Variants in ANKRD44 observed in about 807,000 individuals in gnomAD.
ANKRD44 encodes the protein serine/threonine-protein phosphatase 6 regulatory ankyrin repeat subunit B.
In ANKRD44, 35 loss-of-function variants were observed where a neutral mutation model predicts 116.0. The observed-to-expected ratio is 0.30, with a 90% CI of 0.23 to 0.40. The LOEUF (loss-of-function observed/expected upper bound fraction) is 0.40. Ranked by LOEUF, ANKRD44 falls within the 10% of genes least tolerant of loss-of-function variation. ANKRD44 has a pLI of 1.00. For missense variants in ANKRD44, 1,014 were observed against 1,242.6 expected (o/e 0.82, Z 2.77); for synonymous variants, 435 against 461.8 (o/e 0.94, Z 0.74).
chr2:197,040,297 T>C (rs373121495), intron 16 of ANKRD44, among the ~76,000 whole-genome samples: 6 of 151,704 alleles, frequency 4.0e-5, no homozygotes, highest in African/African-American at 7.2e-5. Flanking sequence ...TTAATTTTTT[T>C]AGTATAATGT....
At chr2:197,048,479 G>A (rs1420496429) in intron 16 of ANKRD44, among the ~76,000 whole-genome samples, 3 of 152,094 alleles carry the variant, frequency 2.0e-5, no homozygotes, top group Admixed American at 6.5e-5. Flanking sequence ...TGAGAATGAC[G>A]GTTTCCAGCT....
rs71012942 is a variant in ANKRD44, at chr2:196,979,554, C to CTTTTT, written c.2369-12113_2369-12109dup. Among the ~76,000 whole-genome samples the CTTTTT allele has an allele frequency of 1.3e-3, 79 of 59,644 alleles. 1 individual carries two copies. Among genetic ancestry groups the CTTTTT allele is most frequent in the East Asian group, 0.01 (16 of 1,536 alleles). 39.1% of individuals were successfully genotyped at this position (59,644 alleles called of 152,430 possible). A position where few individuals can be genotyped will look rare whatever the true frequency, so the allele number is the denominator to read the frequency against. On this transcript the variant is annotated intron_variant, in intron 21 of 21. Transcript: ENST00000424317. ...CAGCCTGAGTAATTTAATAAGATGA[C>CTTTTT]TTTTTTTTTTTTTTTTTTTTTTTTT...
intron 8 of ANKRD44, among the ~76,000 whole-genome samples, chr2:197,112,653 A>T (rs1313642798): frequency 1.3e-5 from 2 of 150,486 alleles, no homozygotes; most frequent in Non-Finnish European, 3.0e-5. Flanking sequence ...GTTTGCAGTG[A>T]GCCGAAATCG....
At chr2:197,265,267 G>C (rs1390512438) in intron 1 of ANKRD44, among the ~76,000 whole-genome samples, 2 of 149,460 alleles carry the variant, frequency 1.3e-5, no homozygotes, top group Non-Finnish European at 3.0e-5. Flanking sequence ...GGGGTGGGGA[G>C]ACAGAGTCTT....
intron 1 of ANKRD44, chr2:197,263,200 G>A: frequency 2.0e-6 from 1 of 492,454 alleles, no homozygotes; most frequent in Non-Finnish European, 3.8e-6. Flanking sequence ...CAGTGGTGCT[G>A]AAATGACCAG....
Position 197,003,293 on chromosome 2 carries a change from G to A in ANKRD44, c.2348-1453C>T, listed in dbSNP as rs542219612. Among the ~76,000 whole-genome samples, 3 of 152,014 alleles carry A rather than the reference G, an allele frequency of 2.0e-5. No individual in the cohort carries two copies. In the South Asian group the frequency reaches 6.2e-4, roughly 32 times the overall value. ...GCCACAAGCCTGGGTGACAGAGTAA[G>A]ACTCCATACACCCCTAGAAAAAAAA... On this transcript the variant is annotated intron_variant, in intron 21 of 27. Transcript: ENST00000282272.
chr2:197,177,916 C>A (rs748646789), intron 2 of ANKRD44, among the ~76,000 whole-genome samples: 16 of 152,308 alleles, frequency 1.1e-4, no homozygotes, highest in Admixed American at 2.6e-4. Context: ...GATACAACCT[C>A]ATGTGGATGT....
At chr2:197,088,466 A>G (rs1004639445) in intron 12 of ANKRD44, among the ~76,000 whole-genome samples, 1 of 150,182 alleles carries the variant, frequency 6.7e-6, no homozygotes, top group Non-Finnish European at 1.5e-5. Flanking sequence ...TCTATAATTT[A>G]AAAAAAGAAA....
intron 1 of ANKRD44, among the ~76,000 whole-genome samples, chr2:197,286,889 A>C (rs2083422692): frequency 6.6e-6 from 1 of 152,146 alleles, no homozygotes; most frequent in East Asian, 1.9e-4. Context: ...ATTCTGGAAA[A>C]GATAAAACTA....
intron 1 of ANKRD44, among the ~76,000 whole-genome samples, chr2:197,198,361 T>C (rs568409466): frequency 6.6e-6 from 1 of 152,106 alleles, no homozygotes; most frequent in Non-Finnish European, 1.5e-5. Flanking sequence ...ATGGATTGTA[T>C]GATGACCTGG....
At chr2:197,109,618 T>C (rs1048138033) in intron 9 of ANKRD44, among the ~76,000 whole-genome samples, 2 of 152,210 alleles carry the variant, frequency 1.3e-5, no homozygotes, top group African/African-American at 4.8e-5. Flanking sequence ...CAAGTGTATG[T>C]GGTCCGAAAT....
At chr2:197,242,153 A>T (rs13001147) in intron 1 of ANKRD44, among the ~76,000 whole-genome samples, 1 of 152,142 alleles carries the variant, frequency 6.6e-6, no homozygotes, top group East Asian at 1.9e-4. Context: ...GAAAAATTCA[A>T]TGAAAACAGG....
intron 2 of ANKRD44, among the ~76,000 whole-genome samples, chr2:197,161,131 T>C (rs1345087142): frequency 8.5e-5 from 13 of 152,210 alleles, no homozygotes; most frequent in Admixed American, 7.9e-4. Flanking sequence ...TTCTGCTTAG[T>C]GAGGCTAGAC....
intron 12 of ANKRD44, among the ~76,000 whole-genome samples, chr2:197,088,010 T>C (rs1359343444): frequency 6.6e-6 from 1 of 152,202 alleles, no homozygotes; most frequent in Non-Finnish European, 1.5e-5. Context: ...TGGAGAAGCA[T>C]TACTGTTCCT....
At chr2:197,087,511 CAA>C (rs1163931195) in intron 12 of ANKRD44, among the ~76,000 whole-genome samples, 1 of 152,122 alleles carries the variant, frequency 6.6e-6, no homozygotes, top group African/African-American at 2.4e-5. Flanking sequence ...TGTGAGCATA[CAA>C]AAGAGACAAT....
intron 16 of ANKRD44, among the ~76,000 whole-genome samples, chr2:197,066,102 G>C (rs1245823392): frequency 1.3e-5 from 2 of 152,060 alleles, no homozygotes; most frequent in African/African-American, 2.4e-5. Context: ...TGATCAAGTG[G>C]GCTTCATCCC....
At chr2:197,029,504 T>C in intron 16 of ANKRD44, 1 of 472,578 alleles carries the variant, frequency 2.1e-6, no homozygotes, top group Non-Finnish European at 4.2e-6. Flanking sequence ...TAGTGCCATA[T>C]AATTCATCTA....
At chr2:197,013,828 G>T in intron 17 of ANKRD44, 116 bp from the exon 18 acceptor site, 3 of 978,736 alleles carry the variant, frequency 3.1e-6, no homozygotes, top group East Asian at 2.4e-5. Flanking sequence ...CCAAGAGCAC[G>T]TCAGAAAAAC....
intron 17 of ANKRD44, chr2:197,015,148 T>G (rs2076367702): frequency 4.1e-6 from 1 of 246,164 alleles, no homozygotes; most frequent in African/African-American, 2.3e-5. Context: ...TGACCTACTC[T>G]TGTGTTGAAG....
Sources: gnomAD v4.1 joint callset for allele counts (sites outside exome capture counted in the v4.1 genomes callset) on GRCh38, gnomAD v4.1.1 for gene constraint, MANE v1.5 for transcripts, NCBI Gene and HGNC (gene_info 2026-07-23, HGNC 2026-07-21) for gene names.